PGM2: variants seen among roughly 807,000 people sequenced by gnomAD.
PGM2 encodes phosphopentomutase.
In PGM2, 57 loss-of-function variants were observed where a neutral mutation model predicts 74.6. The observed-to-expected ratio is 0.76, with a 90% confidence interval of 0.62 to 0.95. The LOEUF is 0.95. Ranked by LOEUF, PGM2 falls within the 40% of genes least tolerant of loss-of-function variation. The pLI is 0.00. For missense variants in PGM2, 706 were observed against 741.9 expected (o/e 0.95, Z 0.56); for synonymous variants, 273 against 260.7 (o/e 1.05, Z -0.46).
rs551903348 is a variant in PGM2, at chr4:37,861,770, G to A, written c.*158G>A. 2 of 450,802 alleles carry A rather than the reference G, an allele frequency of 4.4e-6. No homozygotes were observed. Among genetic ancestry groups the A allele is most frequent in the South Asian group, 1.1e-4 (2 of 18,882 alleles). The allele number at this position is 450,802 out of a possible 1,614,324, so 27.9% of individuals were successfully genotyped here. On this transcript the variant is annotated 3_prime_UTR_variant, in exon 14 of 14. Coordinates refer to ENST00000381967, the MANE Select transcript of PGM2 (RefSeq NM_018290.4). Reference sequence around the variant, plus strand: ...TCATTGTTTCATGTTTGACCTTTAAGGTGAAAAAAGAAAATGGCCAAACCC... The same window carrying A: ...TCATTGTTTCATGTTTGACCTTTAAAGTGAAAAAAGAAAATGGCCAAACCC...
At chr4:37,849,681 T>C (rs1036180962) in intron 11 of PGM2, among the ~76,000 whole-genome samples, 2 of 152,170 alleles carry the variant, frequency 1.3e-5, no homozygotes, top group Non-Finnish European at 2.9e-5. Context: ...AGTGCTGGGA[T>C]TACAGGCGTG....
chr4:37,860,284 TA>T (rs1298497646), intron 13 of PGM2, among the ~76,000 whole-genome samples: 1 of 152,232 alleles, frequency 6.6e-6, no homozygotes, highest in Non-Finnish European at 1.5e-5. Flanking sequence ...AATTCATATG[TA>T]CTTAAAAAGC....
At chr4:37,855,541 C>A in intron 12 of PGM2, 67 bp from the exon 13 acceptor site, 1 of 1,369,718 alleles carries the variant, frequency 7.3e-7, no homozygotes, top group Non-Finnish European at 1.0e-6. Context: ...CTTACTTATG[C>A]AAGAGAAGAT....
At chr4:37,860,089 A>G (rs1159668214) in intron 13 of PGM2, among the ~76,000 whole-genome samples, 2 of 152,196 alleles carry the variant, frequency 1.3e-5, no homozygotes, top group East Asian at 3.8e-4. Flanking sequence ...ATCACTGCAT[A>G]CATGAATCGT....
rs372337796 is a variant in PGM2, at chr4:37,834,757, A to G, written c.356+33A>G. The G allele has an allele frequency of 6.6e-6, 7 of 1,066,626 alleles. No homozygotes were observed. The African/African-American group carries it at 9.8e-5, about 15-fold the overall frequency. 66.1% of individuals were successfully genotyped at this position (1,066,626 alleles called of 1,614,324 possible). A position where few individuals can be genotyped will look rare whatever the true frequency, so the allele number is the denominator to read the frequency against. ...AACATTTTTACAAAATGATGTTTTT[A>G]TAATTTATTTTGCAGTTTTATTTTA... is the stretch of plus-strand genomic sequence containing the variant. On this transcript the variant is annotated intron_variant, in intron 3 of 13. Coordinates refer to ENST00000381967, the MANE Select transcript of PGM2 (RefSeq NM_018290.4).
At chr4:37,854,310 T>C (rs1462818140) in intron 12 of PGM2, among the ~76,000 whole-genome samples, 1 of 152,190 alleles carries the variant, frequency 6.6e-6, no homozygotes, top group African/African-American at 2.4e-5. Context: ...TAAATTTATA[T>C]GGCATTTATT....
At chr4:37,857,238 T>C (rs1711549966) in intron 13 of PGM2, among the ~76,000 whole-genome samples, 1 of 152,198 alleles carries the variant, frequency 6.6e-6, no homozygotes, top group Non-Finnish European at 1.5e-5. Context: ...TAGCCACATG[T>C]GTCTAATGGC....
intron 3 of PGM2, among the ~76,000 whole-genome samples, chr4:37,836,131 C>A (rs1357921213): frequency 2.6e-5 from 4 of 152,228 alleles, no homozygotes; most frequent in Admixed American, 1.3e-4. Context: ...CTGGTTGATA[C>A]AACCTTCAGA....
At chr4:37,840,458 CT>C (rs1486686035) in intron 6 of PGM2, among the ~76,000 whole-genome samples, 199 bp downstream of exon 6, 24 of 152,234 alleles carry the variant, frequency 1.6e-4, no homozygotes, top group African/African-American at 5.5e-4. Flanking sequence ...ATTTGGCTCA[CT>C]ACAACCTCTG....
Position 37,840,243 on chromosome 4 carries a change from A to T in PGM2, c.703A>T (p.Lys235Ter). The T allele has an allele frequency of 6.2e-7, 1 of 1,605,710 alleles. No individual in the cohort carries two copies. Among genetic ancestry groups the T allele is most frequent in the African/African-American group, 1.3e-5 (1 of 74,862 alleles). ...INNDYFEDLK[K>*]YCFHRSVNRE... ...TAATGACTACTTTGAAGACCTTAAA[A>T]AGTACTGTTTCCACAGGTAAATGAA... The change falls in exon 6 of 14, where the codon AAG (lysine) becomes TAG (stop). Residue 235 changes from lysine to a stop codon, truncating the protein, a stop_gained. Transcript: ENST00000381967. LOFTEE classifies it high-confidence loss of function.
chr4:37,856,290 C>G (rs1047504698), intron 13 of PGM2, among the ~76,000 whole-genome samples: 1 of 152,080 alleles, frequency 6.6e-6, no homozygotes, highest in South Asian at 2.1e-4. Context: ...GAGGCTGAGG[C>G]AGGAGAATGG....
At chr4:37,854,409 G>A (rs935179293) in intron 12 of PGM2, among the ~76,000 whole-genome samples, 4 of 151,926 alleles carry the variant, frequency 2.6e-5, no homozygotes, top group African/African-American at 9.7e-5. Flanking sequence ...GGAGTGCAGT[G>A]GCGCAATCTC....
chr4:37,830,130 A>G lies in PGM2; in HGVS notation c.248A>G (p.Gln83Arg), dbSNP rs773438759. Residue 83 changes from glutamine to arginine, a missense_variant and splice_region_variant, in exon 2 of 14, where the codon CAG becomes CGG. Physicochemically the swap from Gln to Arg is conservative, Grantham distance 43 (BLOSUM62 1). Transcript: ENST00000381967. ...GACTTGACCATCATCCAGACTACAC[A>G]GGTACCATGTTTTTTATAATTCTTA... ...MNDLTIIQTT[Q>R]GFCRYLEKQF... 6.5e-7 allele frequency: 1 copy of G among 1,545,416 alleles called. No homozygotes were observed. Among genetic ancestry groups the G allele is most frequent in the Non-Finnish European group, 8.7e-7 (1 of 1,148,300 alleles).
chr4:37,839,217 C>G (rs1725641800), intron 4 of PGM2, among the ~76,000 whole-genome samples: 1 of 148,524 alleles, frequency 6.7e-6, no homozygotes, highest in African/African-American at 2.5e-5. Flanking sequence ...CTCCCAGGTT[C>G]AAGTGATTCT....
At chr4:37,840,843 C>T (rs1485335849) in intron 6 of PGM2, among the ~76,000 whole-genome samples, 3 of 151,856 alleles carry the variant, frequency 2.0e-5, no homozygotes, top group Non-Finnish European at 4.4e-5. Context: ...GAAATGTCGG[C>T]GAAGGAGTGC....
chr4:37,861,695 T>C lies in PGM2; in HGVS notation c.*83T>C, dbSNP rs2152183367. On this transcript the variant is annotated 3_prime_UTR_variant, in exon 14 of 14. Coordinates refer to ENST00000381967, the MANE Select transcript of PGM2 (RefSeq NM_018290.4). ...TTAAGCAATATTTTTAAGGGCCAAA[T>C]GATTCAAAACATCACAGGTATTTAT... 4 of 825,538 alleles carry C rather than the reference T, an allele frequency of 4.8e-6. 1 individual carries two copies. In the South Asian group the frequency reaches 5.5e-5, roughly 11 times the overall value. 51.1% of individuals were successfully genotyped at this position (825,538 alleles called of 1,614,324 possible). A position where few individuals can be genotyped will look rare whatever the true frequency, so the allele number is the denominator to read the frequency against.
At chr4:37,841,978 A>G (rs1255539715) in intron 6 of PGM2, among the ~76,000 whole-genome samples, 1 of 152,192 alleles carries the variant, frequency 6.6e-6, no homozygotes. Context: ...GCTCCCACCA[A>G]CAGTAGATGT....
intron 1 of PGM2, among the ~76,000 whole-genome samples, chr4:37,829,466 C>G (rs777027375): frequency 1.1e-4 from 17 of 152,148 alleles, no homozygotes; most frequent in Non-Finnish European, 1.8e-4. Context: ...TGTAATCTAT[C>G]ACTCTGGAAA....
intron 8 of PGM2, 29 bp downstream of exon 8, chr4:37,845,759 T>C (rs368593191): frequency 2.8e-5 from 37 of 1,299,330 alleles, no homozygotes; most frequent in Non-Finnish European, 1.7e-5. Context: ...ACCTATATTA[T>C]AGAACATATA....
Sources: allele counts gnomAD v4.1 joint callset (sites outside exome capture counted in the v4.1 genomes callset), GRCh38; gene constraint gnomAD v4.1.1; transcripts MANE v1.5; gene names NCBI Gene and HGNC (gene_info 2026-07-23, HGNC 2026-07-21).